Variants in ATL2 observed in about 807,000 individuals in gnomAD.
ATL2 encodes the protein atlastin GTPase 2.
ATL2 carries 31 observed loss-of-function variants against 73.9 expected under a neutral mutation model. The observed-to-expected ratio is 0.42, with a 90% CI of 0.32 to 0.57. The LOEUF (loss-of-function observed/expected upper bound fraction) is 0.57, where lower values mean the gene tolerates loss of function less well. ATL2 is among the 20% of genes least tolerant of loss of function. The pLI is 0.14. For missense variants in ATL2, 738 were observed against 702.6 expected, an observed-to-expected ratio of 1.05 and a Z score of -0.57; for synonymous variants, 291 against 237.5, an observed-to-expected ratio of 1.23 and a Z score of -2.07.
intron 12 of ATL2, among the ~76,000 whole-genome samples, chr2:38,297,327 C>G (rs1405463854): frequency 2.0e-5 from 3 of 152,154 alleles, no homozygotes; most frequent in Non-Finnish European, 4.4e-5. Context: ...CCAAAAATGG[C>G]ATCTCAAATG....
chr2:38,333,907 A>G (rs1447462298), intron 2 of ATL2, among the ~76,000 whole-genome samples: 1 of 152,186 alleles, frequency 6.6e-6, no homozygotes, highest in African/African-American at 2.4e-5. Context: ...ATCTAATCCA[A>G]TTTAAAACCT....
At chr2:38,371,464 G>A (rs1415398534) in intron 1 of ATL2, among the ~76,000 whole-genome samples, 1 of 152,134 alleles carries the variant, frequency 6.6e-6, no homozygotes, top group East Asian at 1.9e-4. Context: ...TCACGCCACT[G>A]CACTCCAGCC....
chr2:38,321,545 G>T lies in ATL2; in HGVS notation c.364-2526C>A, dbSNP rs551972489. On this transcript the variant is annotated intron_variant, in intron 2 of 12. Coordinates refer to ENST00000378954, the MANE Select transcript of ATL2 (RefSeq NM_001135673.4). ...ACTACATATTTGGATACTTCATATT[G>T]GTCTCTATGCAACTCCTGCTCTATC... Among the ~76,000 whole-genome samples the T allele has an allele frequency of 1.2e-4, 19 of 152,108 alleles. No homozygotes were observed. The South Asian group carries it at 3.7e-3, about 30-fold the overall frequency.
At chr2:38,357,344 A>G (rs1670728855) in intron 1 of ATL2, among the ~76,000 whole-genome samples, 1 of 151,694 alleles carries the variant, frequency 6.6e-6, no homozygotes, top group African/African-American at 2.4e-5. Flanking sequence ...AATAAATAAA[A>G]TAAAAAGTTT....
At chr2:38,317,859 T>C (rs913039462) in intron 4 of ATL2, among the ~76,000 whole-genome samples, 8 of 152,202 alleles carry the variant, frequency 5.3e-5, no homozygotes, top group African/African-American at 1.2e-4. Flanking sequence ...TGTTGGTTTA[T>C]TGCATCCTTT....
chr2:38,311,147 C>T (rs1015094847), intron 7 of ATL2, among the ~76,000 whole-genome samples: 1 of 151,314 alleles, frequency 6.6e-6, no homozygotes, highest in Admixed American at 6.6e-5. Flanking sequence ...AATTTGCCTA[C>T]AAATAAAAAG....
chr2:38,331,148 A>C (rs868068132), intron 2 of ATL2, among the ~76,000 whole-genome samples: 7 of 151,930 alleles, frequency 4.6e-5, no homozygotes, highest in Admixed American at 3.9e-4. Flanking sequence ...ATACAAAAAA[A>C]AACTGGCCAG....
chr2:38,358,491 A>G (rs145490502), intron 1 of ATL2: 3,759 of 214,578 alleles, frequency 0.018, 61 homozygotes, highest in Non-Finnish European at 0.026. Context: ...TCACGAGGTC[A>G]GGAGATCGAG....
intron 12 of ATL2, among the ~76,000 whole-genome samples, chr2:38,297,530 T>C (rs1368121706): frequency 6.6e-6 from 1 of 152,202 alleles, no homozygotes; most frequent in Non-Finnish European, 1.5e-5. Context: ...GCCTGGGGCT[T>C]TGAATTCTGG....
chr2:38,376,634 GCTCCCCGCGCGACCT>G (rs1671985073), intron 1 of ATL2: 1 of 153,142 alleles, frequency 6.5e-6, no homozygotes, highest in African/African-American at 2.4e-5. Context: ...CAAGGTGTCT[GCTCCCCGCGCGACCT>G]CCTCCTCCGC....
At chr2:38,343,201 AT>A in intron 2 of ATL2, 66 bp downstream of exon 2, 1 of 563,900 alleles carries the variant, frequency 1.8e-6, no homozygotes, top group Non-Finnish European at 2.7e-6. Flanking sequence ...GTTTTTGTCT[AT>A]TTTTTTAACA....
chr2:38,336,914 C>G (rs1430899069), intron 2 of ATL2, among the ~76,000 whole-genome samples: 1 of 152,168 alleles, frequency 6.6e-6, no homozygotes, highest in Non-Finnish European at 1.5e-5. Context: ...ATGAAGTACT[C>G]TTGCCAAAAG....
intron 9 of ATL2, among the ~76,000 whole-genome samples, chr2:38,305,185 T>C (rs1667383892): frequency 6.6e-6 from 1 of 152,158 alleles, no homozygotes; most frequent in African/African-American, 2.4e-5. Flanking sequence ...TAAATATATA[T>C]GCACCCAACA....
chr2:38,301,912 T>G (rs1276773997), intron 9 of ATL2, among the ~76,000 whole-genome samples: 1 of 151,760 alleles, frequency 6.6e-6, no homozygotes, highest in Admixed American at 6.6e-5. Context: ...AGTTCACAGC[T>G]CTGAGAGAGA....
rs191744540 is a variant in ATL2, at chr2:38,341,646, T to A, written c.363+1622A>T. Reference sequence around the variant, plus strand: ...CTCCAGCCTATGTGACAGAGTGAGATCACGTCTCAATCAATGAGACAAACT... The same window carrying A: ...CTCCAGCCTATGTGACAGAGTGAGAACACGTCTCAATCAATGAGACAAACT... On this transcript the variant is annotated intron_variant, in intron 2 of 12. Transcript: ENST00000378954. Among the ~76,000 whole-genome samples, 180 of 152,270 alleles carry A rather than the reference T, an allele frequency of 1.2e-3. 2 individuals are homozygous for A. In the South Asian group the frequency reaches 0.02, roughly 17 times the overall value.
chr2:38,352,539 A>G (rs1042723782), intron 1 of ATL2, among the ~76,000 whole-genome samples: 3 of 152,230 alleles, frequency 2.0e-5, no homozygotes, highest in African/African-American at 7.2e-5. Context: ...AAAAGGATCT[A>G]TGCAGAGGTG....
intron 1 of ATL2, among the ~76,000 whole-genome samples, chr2:38,371,447 G>A (rs1399995354): frequency 3.9e-5 from 6 of 152,148 alleles, no homozygotes; most frequent in East Asian, 1.9e-4. Flanking sequence ...GGTCAAAACC[G>A]CGGTGATCAC....
At chr2:38,337,779 A>G (rs1455842598) in intron 2 of ATL2, among the ~76,000 whole-genome samples, 2 of 152,058 alleles carry the variant, frequency 1.3e-5, no homozygotes, top group African/African-American at 2.4e-5. Context: ...ATTATTGCCT[A>G]CTTTTACATG....
At chr2:38,321,297 T>A (rs1476619351) in intron 2 of ATL2, among the ~76,000 whole-genome samples, 3 of 152,150 alleles carry the variant, frequency 2.0e-5, no homozygotes, top group Non-Finnish European at 4.4e-5. Flanking sequence ...AGGCCACCAA[T>A]CCTATCAATT....
Sources: gnomAD v4.1 joint callset for allele counts (sites outside exome capture counted in the v4.1 genomes callset) on GRCh38, gnomAD v4.1.1 for gene constraint, MANE v1.5 for transcripts, NCBI Gene and HGNC (gene_info 2026-07-23, HGNC 2026-07-21) for gene names.